FANCA: variants seen among roughly 807,000 people sequenced by gnomAD.
FANCA encodes Fanconi anemia group A protein.
FANCA carries 236 observed loss-of-function variants against 194.3 expected under a neutral mutation model. The observed-to-expected ratio is 1.21, with a 90% confidence interval of 1.09 to 1.35. FANCA has a LOEUF of 1.35. Ranked by LOEUF, FANCA falls within the 40% of genes most tolerant of loss-of-function variation. FANCA has a pLI of 0.00. For missense variants in FANCA, 2,628 were observed against 1,813.9 expected (o/e 1.45, Z -8.15); for synonymous variants, 1,014 against 715.8 (o/e 1.42, Z -6.65).
chr16:89,739,809 G>T, intron 39 of FANCA, 185 bp downstream of exon 39: 1 of 1,465,114 alleles, frequency 6.8e-7, no homozygotes, highest in Non-Finnish European at 9.0e-7. Context: ...TCCTGGGGTT[G>T]ACCAGTGAGC....
chr16:89,801,886 TCAAAAAAACA>T (rs1017941682), intron 8 of FANCA, among the ~76,000 whole-genome samples: 4 of 150,556 alleles, frequency 2.7e-5, no homozygotes, highest in Non-Finnish European at 4.4e-5. Context: ...AGACACCGTC[TCAAAAAAACA>T]CAAAAAAACA....
chr16:89,779,735 A>C lies in FANCA; in HGVS notation c.1715+134T>G, dbSNP rs549002581. On this transcript the variant is annotated intron_variant, in intron 18 of 42. Transcript: ENST00000389301. ...AATGGGACACACTCCAAAGAGCCCC[A>C]GACGCTGGCAGGCATCAGAGCGGAG... 3.3e-5 allele frequency: 26 copies of C among 776,454 alleles called. 1 individual carries two copies. The Middle Eastern group carries it at 1.0e-3, about 31-fold the overall frequency. The allele number at this position is 776,454 out of a possible 1,614,324, so 48.1% of individuals were successfully genotyped here. A position where few individuals can be genotyped will look rare whatever the true frequency, so the allele number is the denominator to read the frequency against.
intron 2 of FANCA, among the ~76,000 whole-genome samples, 178 bp from the exon 3 acceptor site, chr16:89,814,791 A>T (rs1598199899): frequency 6.6e-6 from 1 of 151,868 alleles, no homozygotes; most frequent in East Asian, 1.9e-4. Flanking sequence ...AAATACAAAA[A>T]TTAGGAGGGC....
chr16:89,800,506 C>A (rs1447849510), intron 8 of FANCA, among the ~76,000 whole-genome samples: 1 of 152,168 alleles, frequency 6.6e-6, no homozygotes, highest in Non-Finnish European at 1.5e-5. Flanking sequence ...TCAATGCAAT[C>A]CCTATCAAAA....
chr16:89,812,664 A>C (rs1168144856), intron 3 of FANCA, among the ~76,000 whole-genome samples: 11 of 148,288 alleles, frequency 7.4e-5, no homozygotes, highest in Middle Eastern at 3.5e-3. Flanking sequence ...AAAAAAAAAA[A>C]AAAAAACTGT....
intron 23 of FANCA, 53 bp downstream of exon 23, chr16:89,771,625 C>A (rs954849199): frequency 1.9e-6 from 3 of 1,603,352 alleles, no homozygotes; most frequent in South Asian, 2.2e-5. Flanking sequence ...AATGCCTCTG[C>A]CTAATGGAAA....
In FANCA at chr16:89,799,656, G is replaced by A. The variant is rs776158574; in HGVS notation, c.793-18C>T. ...ACCGTGACCTGTCAAAATAGAATGT[G>A]AGTTACCATCTTGGTAATCTTCTGT... On this transcript the variant is annotated intron_variant, in intron 8 of 42. Coordinates refer to ENST00000389301, the MANE Select transcript of FANCA (RefSeq NM_000135.4). 1.9e-6 allele frequency: 3 copies of A among 1,604,864 alleles called. No homozygotes were observed. The highest frequency in any genetic ancestry group is 1.7e-5 in the Admixed American group (1 of 59,994).
chr16:89,815,547 G>A (rs1017187740), intron 2 of FANCA, among the ~76,000 whole-genome samples: 21 of 151,854 alleles, frequency 1.4e-4, no homozygotes, highest in African/African-American at 4.8e-4. Flanking sequence ...GTAGAGACCG[G>A]GTTTCACTAT....
chr16:89,799,493 C>T (rs183146375), intron 9 of FANCA, 112 bp downstream of exon 9: 3 of 1,127,900 alleles, frequency 2.7e-6, no homozygotes, highest in Admixed American at 1.7e-5. Flanking sequence ...GGACTCTGCA[C>T]AGTGAAACAT....
intron 29 of FANCA, 119 bp from the exon 30 acceptor site, chr16:89,758,824 C>G (rs953071681): frequency 1.7e-5 from 26 of 1,516,582 alleles, no homozygotes; most frequent in Non-Finnish European, 2.3e-5. Flanking sequence ...TGGGTTGAGA[C>G]TGGCGGCTCG....
At chr16:89,771,843 A>C in intron 22 of FANCA, 29 bp from the exon 23 acceptor site, 1 of 1,612,854 alleles carries the variant, frequency 6.2e-7, no homozygotes, top group African/African-American at 1.3e-5. Context: ...GTTAGGGATG[A>C]CAAGAACCCC....
rs1194883332 is a variant in FANCA, at chr16:89,805,486, C to T, written c.597-94G>A. On this transcript the variant is annotated intron_variant, in intron 6 of 42. Transcript: ENST00000389301. Reference sequence around the variant, plus strand: ...ATATGTCCCAATTTTTTTTTTGAGACAGTTTTTTGCTGTCACTGAGGCTGG... The same window carrying T: ...ATATGTCCCAATTTTTTTTTTGAGATAGTTTTTTGCTGTCACTGAGGCTGG... 4.4e-6 allele frequency: 4 copies of T among 907,596 alleles called. No homozygotes were observed. The Admixed American group carries it at 8.0e-5, about 18-fold the overall frequency. The allele number at this position is 907,596 out of a possible 1,614,324, so 56.2% of individuals were successfully genotyped here. A position where few individuals can be genotyped will look rare whatever the true frequency, so the allele number is the denominator to read the frequency against.
chr16:89,744,934 AC>A, intron 36 of FANCA, 24 bp downstream of exon 36: 1 of 1,603,288 alleles, frequency 6.2e-7, no homozygotes. Flanking sequence ...GGGCGGGCAC[AC>A]CCCATCTCAC....
chr16:89,799,483 G>A (rs1354172200), intron 9 of FANCA, 122 bp downstream of exon 9: 3 of 1,069,426 alleles, frequency 2.8e-6, no homozygotes, highest in African/African-American at 1.6e-5. Flanking sequence ...TCCAGTACCA[G>A]GACTCTGCAC....
intron 20 of FANCA, chr16:89,778,197 T>A: frequency 7.1e-6 from 1 of 140,966 alleles, no homozygotes. Flanking sequence ...GAGCGGTGGC[T>A]CACATCTGTA....
At chr16:89,781,607 C>T (rs1380873626) in intron 17 of FANCA, among the ~76,000 whole-genome samples, 6 of 149,224 alleles carry the variant, frequency 4.0e-5, no homozygotes, top group Middle Eastern at 3.4e-3. Context: ...ACCCGGGAGG[C>T]GGAGCTTGCA....
intron 14 of FANCA, among the ~76,000 whole-genome samples, chr16:89,786,682 G>A (rs1327381650): frequency 1.3e-5 from 2 of 152,184 alleles, no homozygotes; most frequent in Non-Finnish European, 2.9e-5. Context: ...GATAAAAAGC[G>A]GAAAATGCTG....
intron 14 of FANCA, among the ~76,000 whole-genome samples, chr16:89,785,871 T>TTTTTTGG: frequency 6.7e-6 from 1 of 149,596 alleles, no homozygotes; most frequent in African/African-American, 2.5e-5. Context: ...TTTTTTTTTT[T>TTTTTTGG]GGAGACAGAG....
At chr16:89,789,310 G>GGC (rs1019483644) in intron 14 of FANCA, among the ~76,000 whole-genome samples, 5 of 56,458 alleles carry the variant, frequency 8.9e-5, no homozygotes, top group African/African-American at 5.0e-4. Flanking sequence ...AAGGCCTGGG[G>GGC]GGGGAGCAGG....
Sources: gnomAD v4.1 joint callset for allele counts (sites outside exome capture counted in the v4.1 genomes callset) on GRCh38, gnomAD v4.1.1 for gene constraint, MANE v1.5 for transcripts, NCBI Gene and HGNC (gene_info 2026-07-23, HGNC 2026-07-21) for gene names.